PCDHA7: variants seen among roughly 807,000 people sequenced by gnomAD.
PCDHA7 encodes protocadherin alpha 7.
In PCDHA7, 37 loss-of-function variants were observed where a neutral mutation model predicts 57.2. That is an observed-to-expected ratio of 0.65 (90% CI 0.50 to 0.85). The LOEUF is 0.85. PCDHA7 is among the 40% of genes least tolerant of loss of function. PCDHA7 has a pLI of 0.00. For synonymous variants in PCDHA7, 553 were observed against 558.8 expected (o/e 0.99, Z 0.15); for missense variants, 1,188 against 1,241.8 (o/e 0.96, Z 0.65).
chr5:140,903,339 A>T (rs1176958912), intron 1 of PCDHA7, among the ~76,000 whole-genome samples: 1 of 152,206 alleles, frequency 6.6e-6, no homozygotes, highest in African/African-American at 2.4e-5. Context: ...GAAAGGATGC[A>T]TTTTAAAAAA....
intron 1 of PCDHA7, among the ~76,000 whole-genome samples, chr5:140,949,796 C>G (rs1471707326): frequency 6.6e-6 from 1 of 151,864 alleles, no homozygotes; most frequent in Non-Finnish European, 1.5e-5. Context: ...TTGTGTCCTT[C>G]AATACATTAT....
At chr5:140,881,574 A>C (rs565640252) in intron 1 of PCDHA7, among the ~76,000 whole-genome samples, 22 of 152,364 alleles carry the variant, frequency 1.4e-4, no homozygotes, top group Middle Eastern at 6.8e-3. Context: ...CTACATCTCA[A>C]GTCACATTGA....
chr5:140,946,377 T>C (rs1554217528), intron 1 of PCDHA7, among the ~76,000 whole-genome samples: 1 of 151,764 alleles, frequency 6.6e-6, no homozygotes, highest in African/African-American at 2.4e-5. Flanking sequence ...TTGCACACGG[T>C]TGGTAGGAAT....
Position 140,942,913 on chromosome 5 carries a change from GA to G in PCDHA7, c.2356-36026del, listed in dbSNP as rs58669311. Among the ~76,000 whole-genome samples the G allele has an allele frequency of 2.0e-3, 305 of 148,960 alleles. 3 individuals carry two copies. The highest frequency in any genetic ancestry group is 6.9e-3 in the African/African-American group (281 of 40,624). ...ATTTATCTCTAAGAATAAGCGTGAA[GA>G]AAAAAAAAATTGAAAAAGAGTTTAA... On this transcript the variant is annotated intron_variant, in intron 1 of 3. Coordinates refer to ENST00000525929, the MANE Select transcript of PCDHA7 (RefSeq NM_018910.3).
At chr5:140,930,553 A>C (rs1252554591) in intron 1 of PCDHA7, 1 of 152,562 alleles carries the variant, frequency 6.6e-6, no homozygotes, top group Non-Finnish European at 1.5e-5. Flanking sequence ...TTAGGACAAC[A>C]TTTTGAAGCA....
At chr5:140,839,989 T>C (rs1776506431) in intron 1 of PCDHA7, among the ~76,000 whole-genome samples, 1 of 152,120 alleles carries the variant, frequency 6.6e-6, no homozygotes, top group Non-Finnish European at 1.5e-5. Context: ...GGAAAGTGGT[T>C]AGCCTTAGCA....
intron 1 of PCDHA7, chr5:140,969,265 A>T: frequency 1.9e-6 from 3 of 1,614,250 alleles, no homozygotes; most frequent in Non-Finnish European, 2.5e-6. Flanking sequence ...GGAATCTCAC[A>T]GGCCAAAGTG....
intron 1 of PCDHA7, chr5:140,850,800 C>T (rs1554144941): frequency 1.9e-6 from 3 of 1,598,392 alleles, no homozygotes; most frequent in African/African-American, 1.3e-5. Context: ...GAAGACCGAC[C>T]TCATGGCCTT....
chr5:140,925,108 G>GGAAGGAAGGAAGGAAGGAAGGAA (rs1554202548), intron 1 of PCDHA7, among the ~76,000 whole-genome samples: 19 of 124,700 alleles, frequency 1.5e-4, no homozygotes, highest in Middle Eastern at 4.0e-3. Context: ...GAAGGAAGGA[G>GGAAGGAAGGAAGGAAGGAAGGAA]GGAAGGAAGG....
intron 1 of PCDHA7, chr5:140,881,225 T>C (rs1026658425): frequency 9.3e-5 from 25 of 267,532 alleles, no homozygotes; most frequent in Non-Finnish European, 1.4e-4. Context: ...TCTTGGAAAA[T>C]TAAAGTCAAT....
chr5:140,841,770 C>A lies in PCDHA7; in HGVS notation c.2355+5032C>A, dbSNP rs148555729. 329 of 1,613,798 alleles carry A rather than the reference C, an allele frequency of 2.0e-4. 2 individuals carry two copies. The highest frequency in any genetic ancestry group is 3.6e-5 in the Non-Finnish European group (43 of 1,179,882). ...GTTTCAGAATCCAGAATGCCAGACT[C>A]TCGGTTTCCGCTAGAGGGCGCGTCC... On this transcript the variant is annotated intron_variant, in intron 1 of 3. Transcript: ENST00000525929.
At chr5:140,953,959 C>T (rs2094958753) in intron 1 of PCDHA7, among the ~76,000 whole-genome samples, 1 of 152,044 alleles carries the variant, frequency 6.6e-6, no homozygotes, top group South Asian at 2.1e-4. Flanking sequence ...CAACAGGCCC[C>T]AGTGTGTGTT....
intron 1 of PCDHA7, chr5:140,850,151 G>A (rs1554143863): frequency 3.1e-6 from 5 of 1,595,466 alleles, no homozygotes; most frequent in Admixed American, 1.7e-5. Flanking sequence ...TGACGCTGCA[G>A]GTGTTCGTGC....
chr5:140,966,402 G>A (rs1554228257), intron 1 of PCDHA7: 4 of 404,514 alleles, frequency 9.9e-6, no homozygotes, highest in African/African-American at 8.2e-5. Context: ...ACTTCGGCGC[G>A]GAATCAGAGC....
intron 1 of PCDHA7, chr5:140,867,274 C>T (rs2049858759): frequency 6.6e-6 from 1 of 151,960 alleles, no homozygotes; most frequent in Non-Finnish European, 1.5e-5. Flanking sequence ...CAAAATAAAC[C>T]TGATGTGCTT....
At chr5:140,945,372 T>C (rs1554216918) in intron 1 of PCDHA7, among the ~76,000 whole-genome samples, 1 of 152,088 alleles carries the variant, frequency 6.6e-6, no homozygotes, top group Non-Finnish European at 1.5e-5. Flanking sequence ...AATGTCCATA[T>C]TACCCAAAGC....
At chr5:140,953,932 C>T (rs1005245846) in intron 1 of PCDHA7, among the ~76,000 whole-genome samples, 1 of 152,060 alleles carries the variant, frequency 6.6e-6, no homozygotes, top group Admixed American at 6.6e-5. Flanking sequence ...CTGATGCTCT[C>T]CCTCCCATTG....
intron 1 of PCDHA7, chr5:140,848,493 G>A (rs2150411274): frequency 7.0e-6 from 11 of 1,576,596 alleles, no homozygotes; most frequent in Middle Eastern, 3.4e-4. Context: ...CTGAGTATTT[G>A]AAATGTTATA....
At position 140,834,370 on chromosome 5, in the gene PCDHA7, G is replaced by A; in HGVS notation, c.-14G>A. ...CAAGTTTTGCTGACTAGAAAAACAA[G>A]CCAATAATTTGAAATGGTGTGCCCG... is the stretch of plus-strand genomic sequence containing the variant. On this transcript the variant is annotated 5_prime_UTR_variant, in exon 1 of 4. Transcript: ENST00000525929. 1 of 1,557,934 alleles carries A rather than the reference G, an allele frequency of 6.4e-7. No homozygotes were observed. The highest frequency in any genetic ancestry group is 2.3e-5 in the East Asian group (1 of 44,394).
Sources: gnomAD v4.1 joint callset for allele counts (sites outside exome capture counted in the v4.1 genomes callset) on GRCh38, gnomAD v4.1.1 for gene constraint, MANE v1.5 for transcripts, NCBI Gene and HGNC (gene_info 2026-07-23, HGNC 2026-07-21) for gene names.